The following RTN3 variants were observed in gnomAD, a reference collection of about 807,000 sequenced individuals.
RTN3 encodes the protein reticulon-3.
A neutral mutation model predicts 77.8 loss-of-function variants in RTN3; 49 were observed. That is an observed-to-expected ratio of 0.63 (90% CI 0.50 to 0.80). The LOEUF (loss-of-function observed/expected upper bound fraction) is 0.80. Among genes scored for constraint, RTN3 ranks in the 30% least tolerant of loss-of-function variants. The probability of loss-of-function intolerance (pLI) is 0.00; values close to 1 mark genes in which losing one functional copy is unlikely to be tolerated. For missense variants in RTN3, 1,236 were observed against 1,211.9 expected (o/e 1.02, Z -0.29); for synonymous variants, 464 against 446.9 (o/e 1.04, Z -0.48).
In RTN3 at chr11:63,740,967, C is replaced by T. The variant is rs147179786; in HGVS notation, c.2531-9024C>T. On this transcript the variant is annotated intron_variant, in intron 3 of 8. Transcript: ENST00000377819. ...GTTGATCTTGTATTATCCTATTTTA[C>T]AAATGAGGGACCCGATGCACAGAGA... Among the ~76,000 whole-genome samples the T allele has an allele frequency of 1.1e-4, 16 of 152,148 alleles. No homozygotes were observed. In the East Asian group the frequency reaches 2.3e-3, roughly 22 times the overall value.
At chr11:63,726,130 C>G (rs972450435) in intron 3 of RTN3, among the ~76,000 whole-genome samples, 1 of 152,104 alleles carries the variant, frequency 6.6e-6, no homozygotes, top group Non-Finnish European at 1.5e-5. Flanking sequence ...GAATGGTTTT[C>G]TTTTCTTATG....
rs1007913002 is a variant in RTN3, at chr11:63,720,411, T to TC, written c.1910dup (p.Leu638IlefsTer7). 6.2e-7 allele frequency: 1 copy of TC among 1,613,778 alleles called. No homozygotes were observed. Among genetic ancestry groups the TC allele is most frequent in the Non-Finnish European group, 8.5e-7 (1 of 1,179,958 alleles). On this transcript the variant is annotated frameshift_variant, in exon 3 of 9. Transcript: ENST00000377819. LOFTEE classifies it high-confidence loss of function. ...TGTGACAACATCTGCCTATTTGGAG[T>TC]CATTACATGGGAAAAATGTTAAACA... is the stretch of plus-strand genomic sequence containing the variant.
intron 2 of RTN3, among the ~76,000 whole-genome samples, chr11:63,718,030 A>AG (rs2134813754): frequency 6.6e-6 from 1 of 151,140 alleles, no homozygotes; most frequent in Admixed American, 6.6e-5. Flanking sequence ...AAAAAAAAAA[A>AG]AGATTTTGGA....
intron 3 of RTN3, among the ~76,000 whole-genome samples, chr11:63,721,956 T>C (rs2011846632): frequency 6.6e-6 from 1 of 152,206 alleles, no homozygotes; most frequent in Non-Finnish European, 1.5e-5. Context: ...CTATCTTATT[T>C]AATATTCTTC....
At chr11:63,681,808 G>C in intron 1 of RTN3, 30 bp downstream of exon 1, 2 of 1,513,474 alleles carry the variant, frequency 1.3e-6, no homozygotes, top group Non-Finnish European at 1.8e-6. Flanking sequence ...CCCGCCCTGG[G>C]AAAGAGGGCG....
intron 1 of RTN3, among the ~76,000 whole-genome samples, chr11:63,684,546 G>T (rs1442496685): frequency 6.6e-6 from 1 of 151,906 alleles, no homozygotes; most frequent in East Asian, 1.9e-4. Flanking sequence ...GCCCTCCTCG[G>T]CCTCCCAAAG....
At position 63,758,526 on chromosome 11, in the gene RTN3, A is replaced by C. The variant is rs1590903818; in HGVS notation, c.*325A>C. On this transcript the variant is annotated 3_prime_UTR_variant, in exon 9 of 9. Coordinates refer to ENST00000377819, the MANE Select transcript of RTN3 (RefSeq NM_001265589.2). The stretch of plus-strand genomic sequence containing the variant: ...GAGGTAAGAGAGAAAATGAAAGAAC[A>C]CCTCTGGGTCCTTCTGTCCAGTTTT... 2 of 578,648 alleles carry C rather than the reference A, an allele frequency of 3.5e-6. No individual in the cohort carries two copies. The highest frequency in any genetic ancestry group is 2.9e-6 in the Non-Finnish European group (1 of 339,934). The allele number at this position is 578,648 out of a possible 1,614,324, so 35.8% of individuals were successfully genotyped here. A position where few individuals can be genotyped will look rare whatever the true frequency, so the allele number is the denominator to read the frequency against.
In RTN3 at chr11:63,734,781, A is replaced by ACACACACC. The variant is rs778043704; in HGVS notation, c.2530+13750_2530+13751insACACACCC. ...CACACACACACACACACACACACAC[A>ACACACACC]CCATACTGGAGGTCCTAGCCACTGA... On this transcript the variant is annotated intron_variant, in intron 3 of 8. Coordinates refer to ENST00000377819, the MANE Select transcript of RTN3 (RefSeq NM_001265589.2). 7.3e-4 allele frequency among the ~76,000 whole-genome samples: 77 copies of ACACACACC among 105,056 alleles called. 3 individuals carry two copies. The highest frequency in any genetic ancestry group is 1.5e-3 in the East Asian group (6 of 3,916). 68.9% of individuals were successfully genotyped at this position (105,056 alleles called of 152,430 possible).
chr11:63,726,446 A>G (rs911988518), intron 3 of RTN3, among the ~76,000 whole-genome samples: 11 of 152,224 alleles, frequency 7.2e-5, no homozygotes, highest in Non-Finnish European at 1.0e-4. Context: ...GAATCTTGGA[A>G]GGGAGAGATC....
At chr11:63,751,114 G>A (rs1337924493) in intron 4 of RTN3, among the ~76,000 whole-genome samples, 3 of 152,104 alleles carry the variant, frequency 2.0e-5, no homozygotes, top group East Asian at 1.9e-4. Flanking sequence ...TGATCCACCC[G>A]CCTCGGCCTC....
chr11:63,702,591 G>A (rs779935211), intron 1 of RTN3, among the ~76,000 whole-genome samples: 2 of 151,828 alleles, frequency 1.3e-5, no homozygotes, highest in Non-Finnish European at 2.9e-5. Flanking sequence ...TGGGATTACA[G>A]GCATGAGCCA....
At chr11:63,753,261 G>T in intron 6 of RTN3, 123 bp downstream of exon 6, 1 of 885,516 alleles carries the variant, frequency 1.1e-6, no homozygotes, top group Non-Finnish European at 1.8e-6. Context: ...TAGAGACCTG[G>T]GAGTAGAGGC....
rs752533153 is a variant in RTN3, at chr11:63,718,950, G to A, written c.448G>A (p.Gly150Arg). ...VSDSSVSLAA[G>R]VHCDRPSIPA... ...AGACTCTTCAGTTTCTCTTGCAGCA[G>A]GAGTTCATTGTGACCGTCCTTCTAT... Residue 150 changes from glycine to arginine, a missense_variant, in exon 3 of 9, where the codon GGA (glycine) becomes AGA (arginine). Physicochemically the swap from Gly to Arg is moderately radical, Grantham distance 125. This residue lies in a region of RTN3 where 1,056 missense variants were observed against 990.4 expected (regional missense o/e 1.07). Transcript: ENST00000377819. The A allele has an allele frequency of 6.2e-7, 1 of 1,614,174 alleles. No individual in the cohort carries two copies. Among genetic ancestry groups the A allele is most frequent in the East Asian group, 2.2e-5 (1 of 44,882 alleles).
intron 1 of RTN3, among the ~76,000 whole-genome samples, chr11:63,700,740 G>C (rs1489434487): frequency 6.6e-6 from 1 of 151,884 alleles, no homozygotes; most frequent in African/African-American, 2.4e-5. Context: ...AGAAGTAAAG[G>C]ATTAATTGAA....
intron 3 of RTN3, among the ~76,000 whole-genome samples, chr11:63,729,401 C>A (rs920447130): frequency 1.5e-4 from 21 of 142,762 alleles, no homozygotes; most frequent in Non-Finnish European, 3.0e-4. Flanking sequence ...CAGAAAAAAA[C>A]GAGTATATGG....
intron 3 of RTN3, among the ~76,000 whole-genome samples, chr11:63,741,316 C>T (rs560240288): frequency 3.8e-4 from 57 of 151,600 alleles, no homozygotes; most frequent in African/African-American, 1.3e-3. Context: ...AATTCTTGTG[C>T]CTCAGCCTCC....
chr11:63,750,035 G>C lies in RTN3; in HGVS notation c.2575G>C (p.Val859Leu), dbSNP rs758524415. The C allele has an allele frequency of 1.2e-6, 2 of 1,613,946 alleles. No homozygotes were observed. Among genetic ancestry groups the C allele is most frequent in the East Asian group, 4.5e-5 (2 of 44,888 alleles). Residue 859 changes from valine (V) to leucine (L), a missense_variant, in exon 4 of 9, where the codon GTC (valine) becomes CTC (leucine). Val to Leu is a conservative substitution (Grantham distance 32). Transcript: ENST00000377819. The stretch of plus-strand genomic sequence containing the variant: ...GAGAGATGTGAAGAAGACTGGGTTT[G>C]TCTTTGGCACCACGCTGATCATGCT... ...FWRDVKKTGFVFGTTLIMLLS... is the reference protein window; with the variant it reads ...FWRDVKKTGFLFGTTLIMLLS...
At chr11:63,724,874 C>T (rs1349558593) in intron 3 of RTN3, among the ~76,000 whole-genome samples, 1 of 151,260 alleles carries the variant, frequency 6.6e-6, no homozygotes, top group African/African-American at 2.4e-5. Context: ...GCAGATATCT[C>T]GGTGTCTTAA....
At chr11:63,712,767 G>C (rs1372476185) in intron 2 of RTN3, among the ~76,000 whole-genome samples, 1 of 152,114 alleles carries the variant, frequency 6.6e-6, no homozygotes, top group African/African-American at 2.4e-5. Context: ...TTACAGGCGT[G>C]AGCCACCGTG....
Sources: allele counts gnomAD v4.1 joint callset (sites outside exome capture counted in the v4.1 genomes callset), GRCh38; gene constraint gnomAD v4.1.1; regional missense constraint gnomAD v4.1.1; transcripts MANE v1.5; gene names NCBI Gene and HGNC (gene_info 2026-07-23, HGNC 2026-07-21).